The following ABLIM2 variants were observed in gnomAD, a reference collection of about 807,000 sequenced individuals.
ABLIM2 encodes the protein actin-binding LIM protein 2.
ABLIM2 carries 53 observed loss-of-function variants against 97.7 expected under a neutral mutation model. The ratio of observed to expected loss-of-function variants is 0.54; its 90% CI spans 0.44 to 0.68. The LOEUF is 0.68. ABLIM2 is among the 30% of genes least tolerant of loss of function. ABLIM2 has a pLI of 0.00. For missense variants in ABLIM2, 835 were observed against 867.2 expected (o/e 0.96, Z 0.47); for synonymous variants, 361 against 345.8 (o/e 1.04, Z -0.49).
In ABLIM2 at chr4:8,125,906, C is replaced by G. The variant is rs1218537172; in HGVS notation, c.11-19269G>C. Reference sequence around the variant, plus strand: ...CTGTGCGTGGGCAGCCTTGGGGGACCCGCCGCTTTTGGGAACACACCTGCA... The same window carrying G: ...CTGTGCGTGGGCAGCCTTGGGGGACGCGCCGCTTTTGGGAACACACCTGCA... On this transcript the variant is annotated intron_variant, in intron 1 of 20. Coordinates refer to ENST00000447017, the MANE Select transcript of ABLIM2 (RefSeq NM_001130083.2). This position sits in a 1 kb window ranked among gnomAD's most constrained non-coding sequence, Gnocchi z 6.2. Among the ~76,000 whole-genome samples, 3 of 152,190 alleles carry G rather than the reference C, an allele frequency of 2.0e-5. No individual in the cohort carries two copies. In the East Asian group the frequency reaches 5.8e-4, roughly 29 times the overall value.
intron 18 of ABLIM2, 76 bp from the exon 19 acceptor site, chr4:7,983,630 T>G: frequency 6.4e-7 from 1 of 1,557,352 alleles, no homozygotes; most frequent in Non-Finnish European, 8.8e-7. Flanking sequence ...GTGCAATCCC[T>G]GCCCTGGGGT....
intron 6 of ABLIM2, among the ~76,000 whole-genome samples, chr4:8,076,793 A>G (rs1577252931): frequency 1.8e-5 from 2 of 110,086 alleles, no homozygotes; most frequent in Admixed American, 8.8e-5. Flanking sequence ...CTGTGAACCC[A>G]GAGAGGGTGG....
chr4:8,154,958 A>G (rs570786864), intron 1 of ABLIM2, among the ~76,000 whole-genome samples: 2 of 152,312 alleles, frequency 1.3e-5, no homozygotes, highest in Admixed American at 6.5e-5. Context: ...GTGCAGGGGA[A>G]CTGCCCTTTA....
Position 8,127,942 on chromosome 4 carries a change from G to A in ABLIM2, c.11-21305C>T, listed in dbSNP as rs113908311. Reference sequence around the variant, plus strand: ...GTGAGCTCACAACCCCCACAGCCCCGCGTGCTGGGAGTGACAGCCTGCACC... The same window carrying A: ...GTGAGCTCACAACCCCCACAGCCCCACGTGCTGGGAGTGACAGCCTGCACC... On this transcript the variant is annotated intron_variant, in intron 1 of 20. Transcript: ENST00000447017. The surrounding 1 kb of genome is among the most constrained non-coding windows in gnomAD (Gnocchi z 7.3). Among the ~76,000 whole-genome samples the A allele has an allele frequency of 5.9e-5, 9 of 152,140 alleles. No homozygotes were observed. The highest frequency in any genetic ancestry group is 3.9e-4 in the East Asian group (2 of 5,190).
intron 8 of ABLIM2, among the ~76,000 whole-genome samples, chr4:8,048,853 G>C (rs1794241754): frequency 6.6e-6 from 1 of 152,092 alleles, no homozygotes; most frequent in South Asian, 2.1e-4. Flanking sequence ...CCAGAGCAGG[G>C]ACCCCTCTGA....
In ABLIM2 at chr4:8,069,519, G is replaced by A. The variant is rs928566673; in HGVS notation, c.675+8109C>T. ...GGGCTCTGATGCGCTGCCGGCATGA[G>A]GCAAGGCAGGAAGGCAGAGATGCGG... On this transcript the variant is annotated intron_variant, in intron 6 of 20. Coordinates refer to ENST00000447017, the MANE Select transcript of ABLIM2 (RefSeq NM_001130083.2). This position sits in a 1 kb window ranked among gnomAD's most constrained non-coding sequence, Gnocchi z 4.2. 1.7e-4 allele frequency among the ~76,000 whole-genome samples: 26 copies of A among 152,222 alleles called. No individual in the cohort carries two copies. The highest frequency in any genetic ancestry group is 6.3e-4 in the African/African-American group (26 of 41,462).
rs1446235208 is a variant in ABLIM2, at chr4:8,015,720, G to A, written c.1423+3898C>T. 6.6e-6 allele frequency among the ~76,000 whole-genome samples: 1 copy of A among 152,156 alleles called. No individual in the cohort carries two copies. The highest frequency in any genetic ancestry group is 2.4e-5 in the African/African-American group (1 of 41,422). On this transcript the variant is annotated intron_variant, in intron 14 of 20. Coordinates refer to ENST00000447017, the MANE Select transcript of ABLIM2 (RefSeq NM_001130083.2). The surrounding 1 kb of genome is among the most constrained non-coding windows in gnomAD (Gnocchi z 4.6). ...GTGTGTGTTGGGGGGTGAGGAGAGAGCTGCATTGCCATCTGGTGGCTCATG... is the reference window on the plus strand; with the variant it reads ...GTGTGTGTTGGGGGGTGAGGAGAGAACTGCATTGCCATCTGGTGGCTCATG...
chr4:8,088,193 C>CT lies in ABLIM2; in HGVS notation c.429_430insA (p.Ala144SerfsTer36). The CT allele has an allele frequency of 6.2e-7, 1 of 1,606,512 alleles. No individual in the cohort carries two copies. The highest frequency in any genetic ancestry group is 8.5e-7 in the Non-Finnish European group (1 of 1,175,946). Reference sequence around the variant, plus strand: ...CTTCGGAGGCCCTGGGACAGGTGCGCGCTGCTGCCCACCGATACGGGCAGG... The same window carrying CT: ...CTTCGGAGGCCCTGGGACAGGTGCGCTGCTGCTGCCCACCGATACGGGCAGG... On this transcript the variant is annotated frameshift_variant, in exon 4 of 21. Coordinates refer to ENST00000447017, the MANE Select transcript of ABLIM2 (RefSeq NM_001130083.2). LOFTEE classifies it high-confidence loss of function.
chr4:7,984,734 A>G, intron 18 of ABLIM2, 105 bp downstream of exon 18: 1 of 1,278,428 alleles, frequency 7.8e-7, no homozygotes, highest in Non-Finnish European at 1.1e-6. Flanking sequence ...GCACTCCCGG[A>G]GCCTTCTGCA....
At position 8,052,072 on chromosome 4, in the gene ABLIM2, C is replaced by T. The variant is rs531048802; in HGVS notation, c.822+2116G>A. Among the ~76,000 whole-genome samples, 159 of 152,282 alleles carry T rather than the reference C, an allele frequency of 1.0e-3. 1 individual carries two copies. The highest frequency in any genetic ancestry group is 1.3e-3 in the Non-Finnish European group (86 of 68,030). ...CTTCTTTCTTGCCTATTAAACTCTCCGCTCTTTAAGACTACACCACGTGTG... is the reference window on the plus strand; with the variant it reads ...CTTCTTTCTTGCCTATTAAACTCTCTGCTCTTTAAGACTACACCACGTGTG... On this transcript the variant is annotated intron_variant, in intron 8 of 20. Transcript: ENST00000447017.
Position 8,071,765 on chromosome 4 carries a change from C to A in ABLIM2, c.675+5863G>T, listed in dbSNP as rs1812352100. The A allele has an allele frequency of 1.0e-5, 10 of 985,314 alleles. No homozygotes were observed. Among genetic ancestry groups the A allele is most frequent in the Non-Finnish European group, 1.1e-5 (9 of 830,000 alleles). The allele number at this position is 985,314 out of a possible 1,614,324, so 61.0% of individuals were successfully genotyped here. ...CCCTTGGAGTTGCGGGCCAGGTTTC[C>A]TACCTGCACAGCTTCTGGGCACCAG... On this transcript the variant is annotated intron_variant, in intron 6 of 20. Transcript: ENST00000447017. The surrounding 1 kb of genome is among the most constrained non-coding windows in gnomAD (Gnocchi z 6.2).
In ABLIM2 at chr4:8,097,087, C is replaced by T. The variant is rs1333162665; in HGVS notation, c.338+12G>A. ...GGCAGGGGAAGCAGAGGCCAGGTGC[C>T]CACTTACTCACCGGCAGACGGCACA... is the stretch of plus-strand genomic sequence containing the variant. On this transcript the variant is annotated intron_variant, in intron 3 of 20. Coordinates refer to ENST00000447017, the MANE Select transcript of ABLIM2 (RefSeq NM_001130083.2). The T allele has an allele frequency of 2.9e-5, 47 of 1,595,918 alleles. No homozygotes were observed. The highest frequency in any genetic ancestry group is 3.8e-5 in the Non-Finnish European group (44 of 1,169,444).
At chr4:8,093,515 A>G (rs1232079611) in intron 3 of ABLIM2, among the ~76,000 whole-genome samples, 1 of 152,264 alleles carries the variant, frequency 6.6e-6, no homozygotes, top group Non-Finnish European at 1.5e-5. Context: ...AGCTTTTAGC[A>G]TATTCAGAGT....
At position 8,010,730 on chromosome 4, in the gene ABLIM2, A is replaced by G. The variant is rs1008848618; in HGVS notation, c.1424-1628T>C. On this transcript the variant is annotated intron_variant, in intron 14 of 20. Coordinates refer to ENST00000447017, the MANE Select transcript of ABLIM2 (RefSeq NM_001130083.2). ...GGCAAATCAACGCCAAGCCTGCTCA[A>G]GAAGCGCTTAATGGAGAGGCAGAGG... 72 of 416,604 alleles carry G rather than the reference A, an allele frequency of 1.7e-4. 1 individual carries two copies. The highest frequency in any genetic ancestry group is 1.5e-3 in the African/African-American group (67 of 46,122). The allele number at this position is 416,604 out of a possible 1,614,324, so 25.8% of individuals were successfully genotyped here. A position where few individuals can be genotyped will look rare whatever the true frequency, so the allele number is the denominator to read the frequency against.
In ABLIM2 at chr4:8,120,982, T is replaced by C. The variant is rs1845154079; in HGVS notation, c.11-14345A>G. Among the ~76,000 whole-genome samples, 1 of 152,230 alleles carries C rather than the reference T, an allele frequency of 6.6e-6. No individual in the cohort carries two copies. The highest frequency in any genetic ancestry group is 1.5e-5 in the Non-Finnish European group (1 of 68,042). Reference sequence around the variant, plus strand: ...CAAAGTATGGTTTCTACTGAATGCATATTGTTTTTGCAACATTATAAAATC... The same window carrying C: ...CAAAGTATGGTTTCTACTGAATGCACATTGTTTTTGCAACATTATAAAATC... On this transcript the variant is annotated intron_variant, in intron 1 of 20. Transcript: ENST00000447017. This position sits in a 1 kb window ranked among gnomAD's most constrained non-coding sequence, Gnocchi z 5.6.
At chr4:8,107,443 G>C (rs74505239) in intron 1 of ABLIM2, among the ~76,000 whole-genome samples, 5,843 of 152,370 alleles carry the variant, frequency 0.038, 181 homozygotes, top group Non-Finnish European at 0.059. Flanking sequence ...GTGACCACCA[G>C]GTGGCCGAGC....
chr4:7,966,843 G>A lies in ABLIM2; in HGVS notation c.*147C>T. 2 of 607,810 alleles carry A rather than the reference G, an allele frequency of 3.3e-6. No homozygotes were observed. Among genetic ancestry groups the A allele is most frequent in the Non-Finnish European group, 5.8e-6 (2 of 346,458 alleles). 37.7% of individuals were successfully genotyped at this position (607,810 alleles called of 1,614,324 possible). ...CAGGAGTGTCGCCGGCAGGTGCAGG[G>A]GCCGCACCTGCTGGGGGACCCCCTC... On this transcript the variant is annotated 3_prime_UTR_variant, in exon 21 of 21. Coordinates refer to ENST00000447017, the MANE Select transcript of ABLIM2 (RefSeq NM_001130083.2).
intron 1 of ABLIM2, among the ~76,000 whole-genome samples, chr4:8,154,996 A>G (rs997991770): frequency 1.3e-5 from 2 of 152,210 alleles, no homozygotes; most frequent in African/African-American, 4.8e-5. Flanking sequence ...GCCAGCCTTA[A>G]TCACCACCAT....
chr4:8,014,331 GT>G (rs1560617710), intron 14 of ABLIM2, among the ~76,000 whole-genome samples: 1 of 152,232 alleles, frequency 6.6e-6, no homozygotes, highest in East Asian at 1.9e-4. Flanking sequence ...TTGAGGATTT[GT>G]CCCCTCCTAC....
Sources: gnomAD v4.1 joint callset for allele counts (sites outside exome capture counted in the v4.1 genomes callset) on GRCh38, gnomAD v4.1.1 for gene constraint, Gnocchi (gnomAD v3.1) non-coding constraint, MANE v1.5 for transcripts, NCBI Gene and HGNC (gene_info 2026-07-23, HGNC 2026-07-21) for gene names.